Variants in DYNLL1 observed in about 807,000 individuals in gnomAD.
DYNLL1 encodes dynein light chain 1, cytoplasmic.
A neutral mutation model predicts 10.1 loss-of-function variants in DYNLL1; 3 were observed. The observed-to-expected ratio is 0.30, with a 90% CI of 0.14 to 0.77. The LOEUF (loss-of-function observed/expected upper bound fraction) is 0.77, where lower values mean the gene tolerates loss of function less well. Ranked by LOEUF, DYNLL1 falls within the 30% of genes least tolerant of loss-of-function variation. The pLI is 0.66. For missense variants in DYNLL1, 47 were observed against 111.7 expected (o/e 0.42, Z 2.61); for synonymous variants, 46 against 41.2 (o/e 1.12, Z -0.45).
chr12:120,497,857 C>A, intron 2 of DYNLL1: 1 of 547,174 alleles, frequency 1.8e-6, no homozygotes, highest in Non-Finnish European at 3.2e-6. Flanking sequence ...GTCCTTTGAC[C>A]TCCTCAGCCT....
At chr12:120,479,209 C>T (rs148717937) in intron 1 of DYNLL1, among the ~76,000 whole-genome samples, 2 of 149,778 alleles carry the variant, frequency 1.3e-5, no homozygotes, top group African/African-American at 4.9e-5. Flanking sequence ...CGCCTGTAAT[C>T]CCAGCACTTT....
At chr12:120,472,040 T>A (rs1224640598) in intron 1 of DYNLL1, among the ~76,000 whole-genome samples, 1 of 152,242 alleles carries the variant, frequency 6.6e-6, no homozygotes. Context: ...CTCAACACAT[T>A]AACTTTGAAT....
At chr12:120,478,222 C>T (rs1431804998) in intron 1 of DYNLL1, among the ~76,000 whole-genome samples, 1 of 152,026 alleles carries the variant, frequency 6.6e-6, no homozygotes, top group African/African-American at 2.4e-5. Flanking sequence ...ATTCTCCTGC[C>T]TCGGCTTCCT....
At position 120,496,529 on chromosome 12, in the gene DYNLL1, G is replaced by A; in HGVS notation, c.108G>A (p.Lys36=). ...TQALEKYNIE[K]DIAAHIKKEF... is the part of the protein sequence containing the mutation. Reference sequence around the variant, plus strand: ...CGCTGGAGAAATACAACATAGAGAAGGACATTGCGGCTCATATCAAGAAGG... The same window carrying A: ...CGCTGGAGAAATACAACATAGAGAAAGACATTGCGGCTCATATCAAGAAGG... Residue 36 remains lysine, a synonymous_variant, in exon 2 of 3, where the codon AAG becomes AAA. Coordinates refer to ENST00000242577, the MANE Select transcript of DYNLL1 (RefSeq NM_003746.3). 1.2e-6 allele frequency: 2 copies of A among 1,614,172 alleles called. No individual in the cohort carries two copies. Among genetic ancestry groups the A allele is most frequent in the Non-Finnish European group, 1.7e-6 (2 of 1,180,030 alleles).
chr12:120,474,407 G>A (rs17431717), intron 1 of DYNLL1, among the ~76,000 whole-genome samples: 25,657 of 149,458 alleles, frequency 0.17, 2,437 homozygotes, highest in Middle Eastern at 0.25. Context: ...TTCTCCACCA[G>A]AGTGTAGGGC....
At chr12:120,484,141 AT>A (rs1475286747) in intron 1 of DYNLL1, among the ~76,000 whole-genome samples, 1 of 152,118 alleles carries the variant, frequency 6.6e-6, no homozygotes, top group Non-Finnish European at 1.5e-5. Context: ...CAAGGGAAGC[AT>A]TTTTAAAAGA....
rs1868377837 is a variant in DYNLL1 at position 120,496,143 on chromosome 12, T to TAG, written c.-80_-79insAG. On this transcript the variant is annotated 5_prime_UTR_variant, in exon 1 of 3. It removes the in-frame stop codon of an upstream open reading frame in the 5' UTR. Coordinates refer to ENST00000242577, the MANE Select transcript of DYNLL1 (RefSeq NM_003746.3). ...CGCCACGGTTTCGGTAGCGACGGTATCTCTAGCCGGGCCTGAGCTGTGCTA... is the reference window on the plus strand; with the variant it reads ...CGCCACGGTTTCGGTAGCGACGGTATAGCTCTAGCCGGGCCTGAGCTGTGCTA... 2 of 532,292 alleles carry TAG rather than the reference T, an allele frequency of 3.8e-6. No homozygotes were observed. The highest frequency in any genetic ancestry group is 2.3e-5 in the South Asian group (1 of 44,018). 33.0% of individuals were successfully genotyped at this position (532,292 alleles called of 1,614,324 possible).
chr12:120,480,361 C>G (rs1263213206), intron 1 of DYNLL1, among the ~76,000 whole-genome samples: 1 of 152,158 alleles, frequency 6.6e-6, no homozygotes, highest in Non-Finnish European at 1.5e-5. Flanking sequence ...GTGTACTGTG[C>G]TAGATGCTAG....
At chr12:120,496,252 G>T (rs1458006241) in intron 1 of DYNLL1, 36 bp downstream of exon 1, 11 of 1,021,806 alleles carry the variant, frequency 1.1e-5, no homozygotes, top group Non-Finnish European at 1.6e-5. Flanking sequence ...TGTCCTCGCT[G>T]CCTTATTTCG....
In DYNLL1 at chr12:120,498,319, G is replaced by C. The variant is rs1004056845; in HGVS notation, c.*109G>C. ...TTCAGCCTTGCTAAGGGAACATCTC[G>C]ATGTTTGAACCTTTGTTGTGTTTTG... On this transcript the variant is annotated 3_prime_UTR_variant, in exon 3 of 3. Transcript: ENST00000242577. 1 of 1,389,198 alleles carries C rather than the reference G, an allele frequency of 7.2e-7. No homozygotes were observed. The highest frequency in any genetic ancestry group is 9.6e-7 in the Non-Finnish European group (1 of 1,036,480). 86.1% of individuals were successfully genotyped at this position (1,389,198 alleles called of 1,614,324 possible). A position where few individuals can be genotyped will look rare whatever the true frequency, so the allele number is the denominator to read the frequency against.
chr12:120,476,497 T>G (rs1592997418), intron 1 of DYNLL1, among the ~76,000 whole-genome samples: 1 of 152,346 alleles, frequency 6.6e-6, no homozygotes, highest in Middle Eastern at 3.4e-3. Context: ...CATTCCTTGC[T>G]AGGCAGCTGG....
Position 120,473,707 on chromosome 12 carries a change from A to T in DYNLL1, c.-7+3603A>T, listed in dbSNP as rs190570966. Among the ~76,000 whole-genome samples the T allele has an allele frequency of 2.4e-4, 36 of 151,478 alleles. 1 individual carries two copies. The East Asian group carries it at 7.0e-3, about 29-fold the overall frequency. On this transcript the variant is annotated intron_variant, in intron 1 of 2. Coordinates refer to the DYNLL1 transcript ENST00000392509. Reference sequence around the variant, plus strand: ...GACTCTGTCTCAAAAAAAAAAAAAAAAAAAAATTAAAAAATTATCTAGGCA... The same window carrying T: ...GACTCTGTCTCAAAAAAAAAAAAAATAAAAAATTAAAAAATTATCTAGGCA...
At chr12:120,485,669 AT>A (rs1469446587) in intron 1 of DYNLL1, among the ~76,000 whole-genome samples, 3 of 151,792 alleles carry the variant, frequency 2.0e-5, no homozygotes, top group Non-Finnish European at 4.4e-5. Context: ...GTGATACCTC[AT>A]TTTTATTAAA....
chr12:120,487,195 C>T (rs1469805968), intron 1 of DYNLL1, among the ~76,000 whole-genome samples: 2 of 141,554 alleles, frequency 1.4e-5, no homozygotes, highest in Non-Finnish European at 3.0e-5. Flanking sequence ...AGGATGGTCT[C>T]GATCTCTGAC....
chr12:120,477,425 A>C (rs1878779764), intron 1 of DYNLL1, among the ~76,000 whole-genome samples: 1 of 152,012 alleles, frequency 6.6e-6, no homozygotes, highest in African/African-American at 2.4e-5. Context: ...CTCGGGATAC[A>C]ACAGTAAGAC....
chr12:120,489,633 A>AT (rs1879075966), intron 1 of DYNLL1, among the ~76,000 whole-genome samples: 1 of 152,068 alleles, frequency 6.6e-6, no homozygotes, highest in South Asian at 2.1e-4. Flanking sequence ...TTCCATCCTC[A>AT]TGCAGTAGCC....
At chr12:120,482,934 G>C (rs1486654106) in intron 1 of DYNLL1, among the ~76,000 whole-genome samples, 1 of 151,940 alleles carries the variant, frequency 6.6e-6, no homozygotes, top group Non-Finnish European at 1.5e-5. Context: ...TAAAAATTTA[G>C]CCAGGCATCG....
Position 120,496,416 on chromosome 12 carries a change from G to A in DYNLL1, c.-6G>A. 1 of 1,614,114 alleles carries A rather than the reference G, an allele frequency of 6.2e-7. No individual in the cohort carries two copies. Among genetic ancestry groups the A allele is most frequent in the Non-Finnish European group, 8.5e-7 (1 of 1,180,026 alleles). On this transcript the variant is annotated splice_region_variant and 5_prime_UTR_variant, in exon 2 of 3. Transcript: ENST00000242577. ...CCTTACCCCAGGCCTTGCCCACTAG[G>A]TAACCATGTGCGACCGAAAGGCCGT...
Position 120,498,358 on chromosome 12 carries a change from C to G in DYNLL1, c.*148C>G, listed in dbSNP as rs761581570. ...TGTTGTGTTTTGTACAGGGCATTCTCTGTACTAGTTTGTCGTGGTTATAAA... is the reference window on the plus strand; with the variant it reads ...TGTTGTGTTTTGTACAGGGCATTCTGTGTACTAGTTTGTCGTGGTTATAAA... On this transcript the variant is annotated 3_prime_UTR_variant, in exon 3 of 3. Transcript: ENST00000242577. 3.0e-5 allele frequency: 28 copies of G among 925,842 alleles called. No individual in the cohort carries two copies. Among genetic ancestry groups the G allele is most frequent in the Non-Finnish European group, 4.2e-5 (27 of 646,712 alleles). The allele number at this position is 925,842 out of a possible 1,614,324, so 57.4% of individuals were successfully genotyped here. A position where few individuals can be genotyped will look rare whatever the true frequency, so the allele number is the denominator to read the frequency against.
Sources: allele counts gnomAD v4.1 joint callset (sites outside exome capture counted in the v4.1 genomes callset), GRCh38; gene constraint gnomAD v4.1.1; transcripts MANE v1.5; gene names NCBI Gene and HGNC (gene_info 2026-07-23, HGNC 2026-07-21).